Variants in MAP3K7 observed in about 807,000 individuals in gnomAD.
The protein encoded by MAP3K7 is TGF-beta activated kinase 1.
Under a neutral mutation model 84.8 loss-of-function variants are expected in MAP3K7, and 21 were observed. That is an observed-to-expected ratio of 0.25 (90% CI 0.18 to 0.36). The LOEUF (loss-of-function observed/expected upper bound fraction) is 0.36. Ranked by LOEUF, MAP3K7 falls within the 10% of genes least tolerant of loss-of-function variation. The pLI, the probability that MAP3K7 is intolerant of heterozygous loss-of-function variation, is 1.00. For missense variants in MAP3K7, 503 were observed against 747.7 expected, an observed-to-expected ratio of 0.67 and a Z score of 3.82; for synonymous variants, 241 against 247.7, an observed-to-expected ratio of 0.97 and a Z score of 0.25.
At chr6:90,549,652 C>T (rs180814676) in intron 9 of MAP3K7, among the ~76,000 whole-genome samples, 2 of 152,150 alleles carry the variant, frequency 1.3e-5, no homozygotes, top group Admixed American at 1.3e-4. Flanking sequence ...TTCAAGGTCA[C>T]AGTAAGGAAA....
rs755890249 is a variant in MAP3K7 at position 90,544,547 on chromosome 6, G to A, written c.1291+5C>T. On this transcript the variant is annotated splice_donor_5th_base_variant and intron_variant, in intron 12 of 16. Coordinates refer to ENST00000369329, the MANE Select transcript of MAP3K7 (RefSeq NM_145331.3). ...TATTAGACCAACTCAGGTGGTCTAT[G>A]ATACCTGATATGACGATCTCAGGGA... 9.3e-6 allele frequency: 15 copies of A among 1,611,130 alleles called. No individual in the cohort carries two copies. Among genetic ancestry groups the A allele is most frequent in the East Asian group, 2.2e-5 (1 of 44,826 alleles).
chr6:90,544,895 G>A (rs1211365879), intron 11 of MAP3K7, among the ~76,000 whole-genome samples: 1 of 151,930 alleles, frequency 6.6e-6, no homozygotes, highest in East Asian at 1.9e-4. Context: ...AAGCTGCAGG[G>A]TAATGAGGAA....
Position 90,541,252 on chromosome 6 carries a change from T to G in MAP3K7, c.1291+3300A>C, listed in dbSNP as rs999577350. Among the ~76,000 whole-genome samples, 6 of 152,182 alleles carry G rather than the reference T, an allele frequency of 3.9e-5. No homozygotes were observed. The East Asian group carries it at 1.2e-3, about 29-fold the overall frequency. ...AACTCAAGTTTTAATAAAAAACATT[T>G]AAGAAAATCTATTTCTTTTCTCGAA... On this transcript the variant is annotated intron_variant, in intron 12 of 16. Coordinates refer to ENST00000369329, the MANE Select transcript of MAP3K7 (RefSeq NM_145331.3).
At chr6:90,517,920 T>C (rs1211392046) in intron 16 of MAP3K7, among the ~76,000 whole-genome samples, 2 of 151,732 alleles carry the variant, frequency 1.3e-5, no homozygotes, top group African/African-American at 4.8e-5. Context: ...AGGTCATGCT[T>C]AAGAAAACTG....
At chr6:90,570,447 G>A (rs1776863828) in intron 2 of MAP3K7, among the ~76,000 whole-genome samples, 1 of 152,108 alleles carries the variant, frequency 6.6e-6, no homozygotes, top group African/African-American at 2.4e-5. Flanking sequence ...TTCCTTCCTT[G>A]ACTTCAAACA....
At chr6:90,570,382 A>G (rs764118197) in intron 2 of MAP3K7, among the ~76,000 whole-genome samples, 99 of 152,322 alleles carry the variant, frequency 6.5e-4, no homozygotes, top group Non-Finnish European at 1.2e-3. Flanking sequence ...TGAGGTACCT[A>G]TGCAAATGAG....
chr6:90,530,360 T>C (rs913265948), intron 13 of MAP3K7, among the ~76,000 whole-genome samples: 2 of 152,324 alleles, frequency 1.3e-5, no homozygotes, highest in Non-Finnish European at 2.9e-5. Flanking sequence ...ACTGAACATC[T>C]GCAATATTAA....
In MAP3K7 at chr6:90,532,902, A is replaced by G. The variant is rs1299266677; in HGVS notation, c.1356+3435T>C. ...ACCTAAATGTAAGAGATCTAGGGCT[A>G]TAACAGCATGCATCACATCTAGTTT... On this transcript the variant is annotated intron_variant, in intron 13 of 16. Coordinates refer to ENST00000369329, the MANE Select transcript of MAP3K7 (RefSeq NM_145331.3). 2.0e-5 allele frequency among the ~76,000 whole-genome samples: 3 copies of G among 152,258 alleles called. No homozygotes were observed. In the East Asian group the frequency reaches 5.8e-4, roughly 29 times the overall value.
chr6:90,578,764 G>A (rs1327438056), intron 1 of MAP3K7, among the ~76,000 whole-genome samples: 1 of 152,094 alleles, frequency 6.6e-6, no homozygotes, highest in Non-Finnish European at 1.5e-5. Flanking sequence ...GTGGCAGAAG[G>A]TGCTACGTAG....
chr6:90,569,652 T>C (rs1221329481), intron 2 of MAP3K7, among the ~76,000 whole-genome samples: 7 of 152,232 alleles, frequency 4.6e-5, no homozygotes, highest in South Asian at 4.1e-4. Context: ...TTAATTTTTG[T>C]ATTTTTTGTA....
intron 13 of MAP3K7, among the ~76,000 whole-genome samples, chr6:90,526,733 A>G (rs1274555755): frequency 2.0e-5 from 3 of 151,912 alleles, no homozygotes; most frequent in Non-Finnish European, 4.4e-5. Context: ...CACATTCTTT[A>G]AAAAAAAGTT....
At chr6:90,527,710 T>C (rs1167369963) in intron 13 of MAP3K7, among the ~76,000 whole-genome samples, 1 of 152,180 alleles carries the variant, frequency 6.6e-6, no homozygotes, top group African/African-American at 2.4e-5. Flanking sequence ...CCCACTGGGA[T>C]TGCTAATGTT....
At chr6:90,569,921 A>G (rs1489399072) in intron 2 of MAP3K7, among the ~76,000 whole-genome samples, 3 of 152,154 alleles carry the variant, frequency 2.0e-5, no homozygotes, top group Non-Finnish European at 4.4e-5. Flanking sequence ...CATATTCAGT[A>G]CACTAATGTC....
intron 3 of MAP3K7, 82 bp downstream of exon 3, chr6:90,568,476 C>A (rs1007888789): frequency 4.6e-5 from 55 of 1,194,768 alleles, no homozygotes; most frequent in South Asian, 9.3e-5. Context: ...AACAAAAAAA[C>A]CCAAAAATAG....
At chr6:90,531,076 C>T (rs1406592299) in intron 13 of MAP3K7, among the ~76,000 whole-genome samples, 1 of 152,110 alleles carries the variant, frequency 6.6e-6, no homozygotes, top group Non-Finnish European at 1.5e-5. Flanking sequence ...AAACGTGACA[C>T]AGCAATTTAA....
chr6:90,537,608 C>T (rs1227565197), intron 12 of MAP3K7, among the ~76,000 whole-genome samples: 8 of 151,886 alleles, frequency 5.3e-5, no homozygotes, highest in South Asian at 2.1e-4. Context: ...TTTTAAGCTA[C>T]GTTTTATAAT....
In MAP3K7 at chr6:90,560,190, G is replaced by A; in HGVS notation, c.368C>T (p.Pro123Leu). ...YNVLHGAEPL[P>L]YYTAAHAMSW... Reference sequence around the variant, plus strand: ...CATTGCGTGGGCAGCAGTATAATATGGCAATGGTTCAGCACCATGCAGCAC... The same window carrying A: ...CATTGCGTGGGCAGCAGTATAATATAGCAATGGTTCAGCACCATGCAGCAC... The change falls in exon 5 of 17, where the codon CCA becomes CTA. Residue 123 changes from proline (P) to leucine (L), a missense_variant. Pro to Leu is a moderately conservative substitution (Grantham distance 98). This residue lies in a region of MAP3K7 where 97 missense variants were observed against 270.8 expected (regional missense o/e 0.36). Transcript: ENST00000369329. 6.2e-7 allele frequency: 1 copy of A among 1,614,178 alleles called. No homozygotes were observed. The highest frequency in any genetic ancestry group is 8.5e-7 in the Non-Finnish European group (1 of 1,180,042).
intron 12 of MAP3K7, among the ~76,000 whole-genome samples, chr6:90,542,811 G>A (rs1306347431): frequency 6.6e-6 from 1 of 151,744 alleles, no homozygotes; most frequent in Non-Finnish European, 1.5e-5. Context: ...CCTCAGCACT[G>A]CTGCCATTTT....
chr6:90,568,794 GC>G (rs1323745888), intron 2 of MAP3K7, among the ~76,000 whole-genome samples, 171 bp from the exon 3 acceptor site: 1 of 152,188 alleles, frequency 6.6e-6, no homozygotes, highest in African/African-American at 2.4e-5. Context: ...CCAAGTGACT[GC>G]CCAGAATGGC....
Sources: gnomAD v4.1 joint callset for allele counts (sites outside exome capture counted in the v4.1 genomes callset) on GRCh38, gnomAD v4.1.1 for gene constraint, gnomAD v4.1.1 regional missense constraint, MANE v1.5 for transcripts, NCBI Gene and HGNC (gene_info 2026-07-23, HGNC 2026-07-21) for gene names.